The following SOX6 variants were observed in gnomAD, a reference collection of about 807,000 sequenced individuals.
The protein encoded by SOX6 is transcription factor SOX-6.
SOX6 carries 11 observed loss-of-function variants against 97.8 expected under a neutral mutation model. That is an observed-to-expected ratio of 0.11 (90% confidence interval 0.07 to 0.19). The LOEUF (loss-of-function observed/expected upper bound fraction) is 0.19, where lower values mean the gene tolerates loss of function less well. Among genes scored for constraint, SOX6 ranks in the 10% least tolerant of loss-of-function variants. SOX6 has a pLI of 1.00. For synonymous variants in SOX6, 360 were observed against 371.4 expected, an observed-to-expected ratio of 0.97 and a Z score of 0.35; for missense variants, 810 against 1,039.5, an observed-to-expected ratio of 0.78 and a Z score of 3.04.
chr11:16,690,979 A>C (rs963395012), intron 3 of SOX6, among the ~76,000 whole-genome samples: 1 of 152,228 alleles, frequency 6.6e-6, no homozygotes. Flanking sequence ...GTAACTCCCC[A>C]ATGGAAGCAG....
intron 3 of SOX6, among the ~76,000 whole-genome samples, chr11:16,620,343 T>G (rs975936727): frequency 6.6e-6 from 1 of 152,214 alleles, no homozygotes; most frequent in African/African-American, 2.4e-5. Context: ...CAATAAGAGA[T>G]TTAATGTATC....
At chr11:16,233,893 G>C (rs541544793) in intron 4 of SOX6, among the ~76,000 whole-genome samples, 1 of 151,694 alleles carries the variant, frequency 6.6e-6, no homozygotes, top group Admixed American at 6.6e-5. Context: ...TATAGGCCCA[G>C]CTACTCAGGG....
chr11:16,122,634 C>A (rs1343895085), intron 6 of SOX6, among the ~76,000 whole-genome samples: 1 of 151,926 alleles, frequency 6.6e-6, no homozygotes, highest in Non-Finnish European at 1.5e-5. Flanking sequence ...ACCAGAGTTC[C>A]ATTATTAAAT....
At chr11:16,362,355 C>T (rs1272439314) in intron 1 of SOX6, among the ~76,000 whole-genome samples, 1 of 152,094 alleles carries the variant, frequency 6.6e-6, no homozygotes, top group Non-Finnish European at 1.5e-5. Flanking sequence ...CTCCCAGTTG[C>T]TTTCCATCCC....
intron 3 of SOX6, among the ~76,000 whole-genome samples, chr11:16,268,039 G>C (rs534027816): frequency 6.6e-6 from 1 of 151,472 alleles, no homozygotes; most frequent in East Asian, 1.9e-4. Flanking sequence ...CCAGAGTCTA[G>C]GGTATGGGGA....
intron 3 of SOX6, among the ~76,000 whole-genome samples, chr11:16,618,356 T>C (rs772353861): frequency 7.9e-5 from 12 of 152,000 alleles, no homozygotes; most frequent in Non-Finnish European, 1.6e-4. Context: ...ACATATAATA[T>C]AGCCCATGTT....
At chr11:16,506,468 A>G (rs1860791014) in intron 4 of SOX6, among the ~76,000 whole-genome samples, 1 of 152,296 alleles carries the variant, frequency 6.6e-6, no homozygotes, top group Non-Finnish European at 1.5e-5. Context: ...GGTGGAAGGG[A>G]CTTGCCTTGT....
intron 4 of SOX6, among the ~76,000 whole-genome samples, chr11:16,592,553 G>C (rs1049616842): frequency 1.3e-5 from 2 of 151,760 alleles, no homozygotes; most frequent in African/African-American, 4.8e-5. Context: ...GGACAAGTTA[G>C]AATGACCATA....
chr11:16,698,269 C>CT (rs1242577820), intron 3 of SOX6, among the ~76,000 whole-genome samples: 1 of 152,184 alleles, frequency 6.6e-6, no homozygotes, highest in Admixed American at 6.5e-5. Context: ...AGCACTTGCA[C>CT]TTTTATGTTA....
intron 9 of SOX6, among the ~76,000 whole-genome samples, chr11:16,061,150 A>G (rs1847941130): frequency 6.6e-6 from 1 of 151,754 alleles, no homozygotes; most frequent in African/African-American, 2.4e-5. Context: ...ACTGTTTCAC[A>G]GGAAATTATT....
intron 12 of SOX6, among the ~76,000 whole-genome samples, chr11:16,037,587 C>G (rs1401480197): frequency 2.6e-5 from 4 of 152,082 alleles, no homozygotes; most frequent in African/African-American, 9.7e-5. Flanking sequence ...TTTGATATAA[C>G]CTGTAATAAC....
chr11:16,721,557 C>T (rs60650887), intron 2 of SOX6, among the ~76,000 whole-genome samples: 5 of 8,908 alleles, frequency 5.6e-4, no homozygotes, highest in African/African-American at 1.8e-3. Flanking sequence ...TCTCTTCCCC[C>T]CCCTCCCTCC....
At chr11:16,574,452 A>G (rs889073957) in intron 4 of SOX6, among the ~76,000 whole-genome samples, 1 of 152,008 alleles carries the variant, frequency 6.6e-6, no homozygotes, top group Admixed American at 6.6e-5. Context: ...AAGAAACTAC[A>G]CCTCTACTTT....
intron 2 of SOX6, among the ~76,000 whole-genome samples, chr11:16,722,245 T>C (rs1848272800): frequency 1.3e-5 from 2 of 152,120 alleles, no homozygotes; most frequent in South Asian, 4.1e-4. Flanking sequence ...ACCTACAGAA[T>C]GGGAGAAAGT....
At chr11:16,503,797 C>A (rs991013830) in intron 4 of SOX6, among the ~76,000 whole-genome samples, 2 of 152,154 alleles carry the variant, frequency 1.3e-5, no homozygotes, top group African/African-American at 4.8e-5. Flanking sequence ...GTAATCCCAG[C>A]ACTTTGGGAG....
At chr11:16,340,759 T>TC (rs760519251) in intron 2 of SOX6, among the ~76,000 whole-genome samples, 5 of 151,766 alleles carry the variant, frequency 3.3e-5, no homozygotes, top group Non-Finnish European at 5.9e-5. Context: ...AGATAACCAA[T>TC]CCCCCCACAA....
chr11:16,090,785 A>T (rs74799219), intron 9 of SOX6, among the ~76,000 whole-genome samples: 134 of 152,170 alleles, frequency 8.8e-4, no homozygotes, highest in African/African-American at 3.2e-3. Flanking sequence ...TGAATTAATT[A>T]ACTTATACTC....
intron 4 of SOX6, among the ~76,000 whole-genome samples, chr11:16,546,695 G>C (rs552858913): frequency 1.3e-5 from 2 of 152,078 alleles, no homozygotes; most frequent in Non-Finnish European, 2.9e-5. Flanking sequence ...TTCAGGACAC[G>C]ATCTAGGCAA....
At chr11:16,259,567 A>G (rs1419795396) in intron 3 of SOX6, among the ~76,000 whole-genome samples, 7 of 152,296 alleles carry the variant, frequency 4.6e-5, no homozygotes, top group Admixed American at 2.0e-4. Flanking sequence ...CATTGATACA[A>G]TGGTAACCAA....
Sources: gnomAD v4.1 joint callset for allele counts (sites outside exome capture counted in the v4.1 genomes callset) on GRCh38, gnomAD v4.1.1 for gene constraint, MANE v1.5 for transcripts, NCBI Gene and HGNC (gene_info 2026-07-23, HGNC 2026-07-21) for gene names.